Variants in RPE observed in about 807,000 individuals in gnomAD.
The protein encoded by RPE is ribulose-5-phosphate-3-epimerase.
RPE carries 16 observed loss-of-function variants against 24.6 expected under a neutral mutation model. The ratio of observed to expected loss-of-function variants is 0.65; its 90% CI spans 0.44 to 0.99. The LOEUF (loss-of-function observed/expected upper bound fraction) is 0.99. RPE is among the 50% of genes least tolerant of loss of function. The probability of loss-of-function intolerance (pLI) is 0.00; values close to 1 mark genes in which losing one functional copy is unlikely to be tolerated. For synonymous variants in RPE, 93 were observed against 98.4 expected (o/e 0.94, Z 0.33); for missense variants, 240 against 294.5 (o/e 0.81, Z 1.35).
intron 1 of RPE, among the ~76,000 whole-genome samples, chr2:210,006,926 A>G (rs903116937): frequency 6.6e-6 from 1 of 152,164 alleles, no homozygotes. Flanking sequence ...TCCCTCTCAG[A>G]TGTGTCCTGA....
chr2:210,017,414 C>G (rs1382112348), intron 4 of RPE, 59 bp from the exon 5 acceptor site: 1 of 974,596 alleles, frequency 1.0e-6, no homozygotes, highest in Non-Finnish European at 1.5e-6. Context: ...GTCCCCCACC[C>G]CCACCCCCAC....
chr2:210,004,862 A>G (rs1439323993), intron 1 of RPE, among the ~76,000 whole-genome samples: 1 of 152,162 alleles, frequency 6.6e-6, no homozygotes, highest in Non-Finnish European at 1.5e-5. Context: ...TTTACCATGG[A>G]TCAGAGTTTT....
At chr2:210,006,380 G>A (rs1366322169) in intron 1 of RPE, among the ~76,000 whole-genome samples, 2 of 152,042 alleles carry the variant, frequency 1.3e-5, no homozygotes, top group Non-Finnish European at 2.9e-5. Context: ...GCCCCTTTTT[G>A]TTATGGCTTA....
At chr2:210,005,675 A>G (rs1313381143) in intron 1 of RPE, among the ~76,000 whole-genome samples, 1 of 150,734 alleles carries the variant, frequency 6.6e-6, no homozygotes, top group Non-Finnish European at 1.5e-5. Context: ...CTGGGCCCTC[A>G]GTCTTACCAG....
rs2093767342 is a variant in RPE, at chr2:210,016,075, G to C, written c.305G>C (p.Gly102Ala). ...CATCTCGAGGCTACTGAGAACCCAGGGGCTTTGATTAAAGACATTCGGGAG... is the reference window on the plus strand; with the variant it reads ...CATCTCGAGGCTACTGAGAACCCAGCGGCTTTGATTAAAGACATTCGGGAG... ...TFHLEATENP[G>A]ALIKDIRENG... The change falls in exon 3 of 6, where the codon GGG (glycine) becomes GCG (alanine). Residue 102 changes from glycine (G) to alanine (A), a missense_variant. Coordinates refer to ENST00000359429, the MANE Select transcript of RPE (RefSeq NM_199229.3). 1 of 1,614,090 alleles carries C rather than the reference G, an allele frequency of 6.2e-7. No individual in the cohort carries two copies. Among genetic ancestry groups the C allele is most frequent in the African/African-American group, 1.3e-5 (1 of 74,922 alleles).
chr2:210,018,179 G>A, intron 5 of RPE: 4 of 1,534,480 alleles, frequency 2.6e-6, no homozygotes, highest in Middle Eastern at 1.7e-4. Context: ...TAAGTTTCAC[G>A]GCCTTGGAAG....
At chr2:210,006,302 A>G (rs2093630108) in intron 1 of RPE, among the ~76,000 whole-genome samples, 1 of 152,212 alleles carries the variant, frequency 6.6e-6, no homozygotes, top group Non-Finnish European at 1.5e-5. Flanking sequence ...CTGTAAATAC[A>G]TTAGAACTGC....
chr2:210,011,561 A>G (rs982366810), intron 2 of RPE, among the ~76,000 whole-genome samples: 1 of 152,166 alleles, frequency 6.6e-6, no homozygotes, highest in African/African-American at 2.4e-5. Context: ...ATTTGTTGAT[A>G]AACTTGCTAA....
At chr2:210,003,129 G>A (rs2093584920) in intron 1 of RPE, among the ~76,000 whole-genome samples, 1 of 152,174 alleles carries the variant, frequency 6.6e-6, no homozygotes, top group African/African-American at 2.4e-5. Flanking sequence ...ACTTGCCCAA[G>A]CTCATATAGC....
At chr2:210,011,660 G>A (rs1184222732) in intron 2 of RPE, among the ~76,000 whole-genome samples, 1 of 151,494 alleles carries the variant, frequency 6.6e-6, no homozygotes. Context: ...TTGGTTTTTC[G>A]CTTTTTGTTG....
At chr2:210,009,814 A>C in intron 2 of RPE, 78 bp downstream of exon 2, 2 of 1,586,892 alleles carry the variant, frequency 1.3e-6, no homozygotes, top group South Asian at 2.2e-5. Flanking sequence ...TTTAACTTCC[A>C]AGTTCATCTG....
chr2:210,017,920 T>G, intron 5 of RPE: 2 of 531,790 alleles, frequency 3.8e-6, no homozygotes, highest in Non-Finnish European at 6.6e-6. Context: ...AATTTTTTTA[T>G]TTTTAGTAGA....
rs769804255 is a variant in RPE at position 210,009,744 on chromosome 2, G to A, written c.202+8G>A. On this transcript the variant is annotated splice_region_variant and intron_variant, in intron 2 of 5. Coordinates refer to ENST00000359429, the MANE Select transcript of RPE (RefSeq NM_199229.3). Reference sequence around the variant, plus strand: ...GCCAGGACCCTTTCTTTGGTAAGTGGGTGTTACGCCATCTGAAGCTGGATG... The same window carrying A: ...GCCAGGACCCTTTCTTTGGTAAGTGAGTGTTACGCCATCTGAAGCTGGATG... 12 of 1,614,072 alleles carry A rather than the reference G, an allele frequency of 7.4e-6. No individual in the cohort carries two copies. Among genetic ancestry groups the A allele is most frequent in the Non-Finnish European group, 6.8e-6 (8 of 1,179,976 alleles).
In RPE at chr2:210,017,733, C is replaced by CTTTTTTTTTTTTTTTTTTTTTTTTTTTT. The variant is rs1270574264; in HGVS notation, c.564+197_564+198insTTTTTTTTTTTTTTTTTTTTTTTTTTTT. 20 of 298,026 alleles carry CTTTTTTTTTTTTTTTTTTTTTTTTTTTT rather than the reference C, an allele frequency of 6.7e-5. 5 individuals carry two copies. The highest frequency in any genetic ancestry group is 1.0e-4 in the African/African-American group (3 of 29,666). The allele number at this position is 298,026 out of a possible 1,614,324, so 18.5% of individuals were successfully genotyped here. A position where few individuals can be genotyped will look rare whatever the true frequency, so the allele number is the denominator to read the frequency against. On this transcript the variant is annotated intron_variant, in intron 5 of 5. Transcript: ENST00000359429. ...AAATAAACAGCCATAAGTGGATATG[C>CTTTTTTTTTTTTTTTTTTTTTTTTTTTT]TTTTTTTTTTTTTTTTTTTTTTTCT...
chr2:210,003,486 A>G (rs754986505), intron 1 of RPE: 181 of 1,279,924 alleles, frequency 1.4e-4, no homozygotes, highest in Non-Finnish European at 1.8e-4. Flanking sequence ...ATTTTTAAGC[A>G]CCGTAGTTAC....
At chr2:210,015,569 T>A (rs2093760003) in intron 2 of RPE, among the ~76,000 whole-genome samples, 2 of 152,230 alleles carry the variant, frequency 1.3e-5, no homozygotes, top group East Asian at 3.8e-4. Flanking sequence ...TAATTAATGA[T>A]GCAGCAATAG....
intron 5 of RPE, 178 bp downstream of exon 5, chr2:210,017,737 T>A: frequency 1.7e-6 from 1 of 596,410 alleles, no homozygotes; most frequent in Non-Finnish European, 2.9e-6. Flanking sequence ...GATATGCTTT[T>A]TTTTTTTTTT....
chr2:210,003,643 A>G (rs972635812), intron 1 of RPE, among the ~76,000 whole-genome samples: 3 of 152,218 alleles, frequency 2.0e-5, no homozygotes, highest in African/African-American at 4.8e-5. Context: ...AGGTTTGCCA[A>G]GTAGTTCTCT....
chr2:210,017,372 TA>T, intron 4 of RPE, 100 bp from the exon 5 acceptor site: 1 of 863,720 alleles, frequency 1.2e-6, no homozygotes. Context: ...TTTTAATTGC[TA>T]ATATTTGCTG....
Sources: gnomAD v4.1 joint callset for allele counts (sites outside exome capture counted in the v4.1 genomes callset) on GRCh38, gnomAD v4.1.1 for gene constraint, MANE v1.5 for transcripts, NCBI Gene and HGNC (gene_info 2026-07-23, HGNC 2026-07-21) for gene names.